Variants in AUTS2 observed in about 807,000 individuals in gnomAD.
The protein encoded by AUTS2 is activator of transcription and developmental regulator AUTS2, also known as autism susceptibility gene 2 protein.
A neutral mutation model predicts 112.4 loss-of-function variants in AUTS2; 17 were observed. The observed-to-expected ratio is 0.15, with a 90% confidence interval of 0.10 to 0.23. AUTS2 has a LOEUF of 0.23. Ranked by LOEUF, AUTS2 falls within the 10% of genes least tolerant of loss-of-function variation. The pLI, the probability that AUTS2 is intolerant of heterozygous loss-of-function variation, is 1.00. For missense variants in AUTS2, 1,510 were observed against 1,701.6 expected (o/e 0.89, Z 1.98); for synonymous variants, 751 against 702.7 (o/e 1.07, Z -1.09).
chr7:70,037,338 T>A (rs1801050614), intron 2 of AUTS2, among the ~76,000 whole-genome samples: 1 of 152,184 alleles, frequency 6.6e-6, no homozygotes, highest in South Asian at 2.1e-4. Flanking sequence ...CTATAGTGAA[T>A]CACAATGTAC....
At chr7:69,985,702 C>G (rs1798483355) in intron 2 of AUTS2, among the ~76,000 whole-genome samples, 2 of 152,114 alleles carry the variant, frequency 1.3e-5, no homozygotes, top group South Asian at 4.1e-4. Context: ...GCTCTTAACT[C>G]AAACATTAGC....
At chr7:70,282,312 C>A (rs532861925) in intron 4 of AUTS2, among the ~76,000 whole-genome samples, 1 of 152,226 alleles carries the variant, frequency 6.6e-6, no homozygotes, top group South Asian at 2.1e-4. Context: ...TTCTTGGTAC[C>A]AGTTTTTGTC....
intron 2 of AUTS2, among the ~76,000 whole-genome samples, chr7:70,107,491 G>T (rs1442025293): frequency 6.7e-6 from 1 of 150,264 alleles, no homozygotes; most frequent in Non-Finnish European, 1.5e-5. Flanking sequence ...TTACAGGCAC[G>T]CCCCACCATG....
At chr7:70,496,655 C>T (rs1327893655) in intron 5 of AUTS2, among the ~76,000 whole-genome samples, 6 of 133,132 alleles carry the variant, frequency 4.5e-5, no homozygotes, top group South Asian at 2.7e-4. Context: ...CACATGCACA[C>T]GTCACATCAG....
chr7:70,766,357 T>A lies in AUTS2; in HGVS notation c.1689+23T>A, dbSNP rs1789944192. ...ATGGTGCGTACCCCAGGCAGAAATG[T>A]GAGGATAAGTAGAGCACGACTCTTT... On this transcript the variant is annotated intron_variant, in intron 9 of 18. Transcript: ENST00000342771. The surrounding 1 kb of genome is among the most constrained non-coding windows in gnomAD (Gnocchi z 4.8). The A allele has an allele frequency of 6.2e-7, 1 of 1,612,860 alleles. No individual in the cohort carries two copies. The highest frequency in any genetic ancestry group is 2.2e-5 in the East Asian group (1 of 44,844).
In AUTS2 at chr7:70,488,158, C is replaced by G. The variant is rs148481528; in HGVS notation, c.690+52377C>G. Among the ~76,000 whole-genome samples, 821 of 152,370 alleles carry G rather than the reference C, an allele frequency of 5.4e-3. 10 individuals carry two copies. Among genetic ancestry groups the G allele is most frequent in the African/African-American group, 0.019 (790 of 41,586 alleles). On this transcript the variant is annotated intron_variant, in intron 5 of 18. Transcript: ENST00000342771. ...AGGAGGCCAGGCTGCAGTGCCAGAC[C>G]TGCAGAACATCTGTCCTTGGAGGGC...
intron 2 of AUTS2, among the ~76,000 whole-genome samples, chr7:69,903,634 A>G (rs1288630217): frequency 6.6e-6 from 1 of 152,202 alleles, no homozygotes; most frequent in Non-Finnish European, 1.5e-5. Flanking sequence ...AATCATCAAA[A>G]TAAATCCTGT....
chr7:69,687,824 A>G (rs1327813649), intron 1 of AUTS2, among the ~76,000 whole-genome samples: 1 of 152,304 alleles, frequency 6.6e-6, no homozygotes, highest in Admixed American at 6.5e-5. Flanking sequence ...CTATGTGTGA[A>G]TAATTTTTTT....
intron 4 of AUTS2, among the ~76,000 whole-genome samples, chr7:70,303,470 A>G (rs1321732601): frequency 6.6e-6 from 1 of 151,796 alleles, no homozygotes; most frequent in Non-Finnish European, 1.5e-5. Context: ...ACACACACAC[A>G]CACAGTGCTG....
chr7:69,977,676 T>C (rs1022251715), intron 2 of AUTS2, among the ~76,000 whole-genome samples: 3 of 152,228 alleles, frequency 2.0e-5, no homozygotes, highest in African/African-American at 7.2e-5. Flanking sequence ...CCAGTACTTG[T>C]CTTTACAGTT....
intron 4 of AUTS2, among the ~76,000 whole-genome samples, chr7:70,260,836 G>A (rs990637006): frequency 2.0e-5 from 3 of 151,238 alleles, no homozygotes; most frequent in Admixed American, 1.3e-4. Context: ...TGCAACCTCC[G>A]CCTCCCGGGT....
At chr7:70,412,041 C>T (rs898765074) in intron 4 of AUTS2, among the ~76,000 whole-genome samples, 1 of 151,568 alleles carries the variant, frequency 6.6e-6, no homozygotes, top group Non-Finnish European at 1.5e-5. Flanking sequence ...ATCACAGGCA[C>T]CCACTACCAT....
chr7:70,021,051 C>T (rs1044183448), intron 2 of AUTS2, among the ~76,000 whole-genome samples: 3 of 151,860 alleles, frequency 2.0e-5, no homozygotes, highest in African/African-American at 7.3e-5. Context: ...GGCGTGATCT[C>T]AGCTCACCGC....
intron 1 of AUTS2, among the ~76,000 whole-genome samples, chr7:69,664,010 C>A (rs531435689): frequency 6.6e-6 from 1 of 152,264 alleles, no homozygotes; most frequent in South Asian, 2.1e-4. Context: ...ATAGTACCCT[C>A]AGAAAGAAAA....
intron 13 of AUTS2, 170 bp from the exon 14 acceptor site, chr7:70,776,933 A>G: frequency 1.5e-6 from 1 of 675,642 alleles, no homozygotes; most frequent in Non-Finnish European, 2.6e-6. Context: ...TGACTCCCTT[A>G]TGACTGGGCG....
intron 1 of AUTS2, among the ~76,000 whole-genome samples, chr7:69,616,037 G>A (rs981438448): frequency 1.3e-5 from 2 of 152,232 alleles, no homozygotes; most frequent in Non-Finnish European, 2.9e-5. Flanking sequence ...CTTGTCTGCT[G>A]AGTGTATTTC....
chr7:69,615,517 G>A (rs1793325619), intron 1 of AUTS2, among the ~76,000 whole-genome samples: 1 of 151,992 alleles, frequency 6.6e-6, no homozygotes, highest in South Asian at 2.1e-4. Flanking sequence ...TGGCCAGGTT[G>A]GTCTCGAACT....
At chr7:69,778,627 T>A (rs1057106315) in intron 1 of AUTS2, among the ~76,000 whole-genome samples, 1 of 152,138 alleles carries the variant, frequency 6.6e-6, no homozygotes, top group Non-Finnish European at 1.5e-5. Flanking sequence ...TAGCCTGATC[T>A]TAAAGAATGA....
intron 1 of AUTS2, among the ~76,000 whole-genome samples, chr7:69,686,962 A>C (rs1252555506): frequency 6.6e-6 from 1 of 152,238 alleles, no homozygotes; most frequent in Non-Finnish European, 1.5e-5. Flanking sequence ...TAATTTTGTC[A>C]TACTTACCTT....
Sources: allele counts gnomAD v4.1 joint callset (sites outside exome capture counted in the v4.1 genomes callset), GRCh38; gene constraint gnomAD v4.1.1; non-coding constraint Gnocchi (gnomAD v3.1); transcripts MANE v1.5; gene names NCBI Gene and HGNC (gene_info 2026-07-23, HGNC 2026-07-21).